RBPJ: variants seen among roughly 807,000 people sequenced by gnomAD.
RBPJ encodes the protein recombination signal binding protein for immunoglobulin kappa J region.
A neutral mutation model predicts 67.8 loss-of-function variants in RBPJ; 9 were observed. The ratio of observed to expected loss-of-function variants is 0.13; its 90% CI spans 0.08 to 0.23. The LOEUF (loss-of-function observed/expected upper bound fraction) is 0.23. Ranked by LOEUF, RBPJ falls within the 10% of genes least tolerant of loss-of-function variation. The pLI is 1.00. For missense variants in RBPJ, 305 were observed against 595.6 expected (o/e 0.51, Z 5.08); for synonymous variants, 198 against 203.3 (o/e 0.97, Z 0.22).
chr4:26,419,605 TTAAAGTGG>T (rs1734927592), intron 4 of RBPJ, among the ~76,000 whole-genome samples: 2 of 152,228 alleles, frequency 1.3e-5, no homozygotes, highest in African/African-American at 4.8e-5. Context: ...TAGCTTAATT[TTAAAGTGG>T]AATGTTGATC....
rs527835615 is a variant in RBPJ, at chr4:26,373,168, T to C, written c.21-13185T>C. 1.2e-4 allele frequency among the ~76,000 whole-genome samples: 18 copies of C among 152,386 alleles called. No homozygotes were observed. The South Asian group carries it at 3.5e-3, about 30-fold the overall frequency. ...TCCTTTTTCATGTAATGGTGTTACA[T>C]AAAATGTTTTGGAAATCTCTTCTCC... is the stretch of plus-strand genomic sequence containing the variant. On this transcript the variant is annotated intron_variant, in intron 1 of 10. Transcript: ENST00000355476.
chr4:26,227,571 G>C lies in RBPJ; in HGVS notation c.-167+63957G>C, dbSNP rs564728717. ...GTTAAATTAAGACCCTCCACAGCCT[G>C]AGTGGAGATGAGTTTTGCAGAGTCT... On this transcript the variant is annotated intron_variant, in intron 1 of 4. Transcript: ENST00000512351. Among the ~76,000 whole-genome samples the C allele has an allele frequency of 3.3e-5, 5 of 152,214 alleles. No individual in the cohort carries two copies. The South Asian group carries it at 1.0e-3, about 31-fold the overall frequency.
At chr4:26,297,632 A>G (rs1485571638) in intron 1 of RBPJ, among the ~76,000 whole-genome samples, 1 of 152,190 alleles carries the variant, frequency 6.6e-6, no homozygotes, top group South Asian at 2.1e-4. Context: ...ACCCTGGTTT[A>G]GTCTATCATT....
intron 2 of RBPJ, among the ~76,000 whole-genome samples, chr4:26,393,170 A>G (rs928065343): frequency 4.6e-5 from 7 of 151,876 alleles, no homozygotes; most frequent in East Asian, 1.9e-4. Flanking sequence ...ATTTCTTTTT[A>G]AATCTCTGAA....
intron 1 of RBPJ, among the ~76,000 whole-genome samples, chr4:26,210,655 C>CTTT (rs1326236826): frequency 2.4e-4 from 26 of 108,598 alleles, no homozygotes; most frequent in Non-Finnish European, 4.3e-4. Flanking sequence ...AGCCAGCTTT[C>CTTT]TTTCTTTTTT....
chr4:26,298,197 A>G (rs1190797040), intron 1 of RBPJ, among the ~76,000 whole-genome samples: 2 of 152,160 alleles, frequency 1.3e-5, no homozygotes, highest in Admixed American at 1.3e-4. Context: ...AAAAAAAAAT[A>G]CCTTCTCTCA....
intron 2 of RBPJ, among the ~76,000 whole-genome samples, chr4:26,397,197 G>A (rs1732205505): frequency 6.6e-6 from 1 of 152,170 alleles, no homozygotes. Context: ...ACGCTTCTTT[G>A]TAAACCGTAA....
intron 1 of RBPJ, among the ~76,000 whole-genome samples, chr4:26,237,774 G>T (rs1365779801): frequency 6.6e-6 from 1 of 152,158 alleles, no homozygotes; most frequent in Admixed American, 6.5e-5. Flanking sequence ...AAATAATAAA[G>T]ATACCTAGCC....
the RBPJ span, among the ~76,000 whole-genome samples, chr4:26,153,720 C>T: frequency 6.6e-6 from 1 of 152,148 alleles, no homozygotes; most frequent in African/African-American, 2.4e-5. Context: ...TACATTTTTA[C>T]CATATTATAA....
At chr4:26,164,433 C>G (rs1397453742) in intron 1 of RBPJ, among the ~76,000 whole-genome samples, 2 of 152,192 alleles carry the variant, frequency 1.3e-5, no homozygotes, top group African/African-American at 4.8e-5. Flanking sequence ...AGCTCTGGCT[C>G]TCAGAGCAGG....
the RBPJ span, among the ~76,000 whole-genome samples, chr4:26,122,795 T>C: frequency 2.0e-5 from 3 of 152,144 alleles, no homozygotes; most frequent in Non-Finnish European, 4.4e-5. Context: ...GTGAACCATA[T>C]GGTCTCTAAT....
chr4:26,384,142 C>T (rs566801302), intron 1 of RBPJ, among the ~76,000 whole-genome samples: 39 of 152,298 alleles, frequency 2.6e-4, no homozygotes, highest in African/African-American at 9.1e-4. Context: ...GCTACCATGC[C>T]TTGCCTTGTT....
At chr4:26,209,095 A>G (rs1231341481) in intron 1 of RBPJ, among the ~76,000 whole-genome samples, 3 of 96,398 alleles carry the variant, frequency 3.1e-5, no homozygotes, top group Non-Finnish European at 4.3e-5. Flanking sequence ...ACAGAAGAAA[A>G]AAAATATATA....
chr4:26,286,213 T>C (rs1721462317), intron 1 of RBPJ, among the ~76,000 whole-genome samples: 1 of 152,092 alleles, frequency 6.6e-6, no homozygotes, highest in East Asian at 1.9e-4. Flanking sequence ...GCATGATGAC[T>C]AGCGCCTGTA....
chr4:26,258,338 A>G (rs1720413342), intron 1 of RBPJ, among the ~76,000 whole-genome samples: 1 of 151,952 alleles, frequency 6.6e-6, no homozygotes, highest in Non-Finnish European at 1.5e-5. Context: ...TGTATTTTCC[A>G]CTATGTATTT....
At chr4:26,215,861 G>A (rs961238064) in intron 1 of RBPJ, among the ~76,000 whole-genome samples, 21 of 151,980 alleles carry the variant, frequency 1.4e-4, no homozygotes, top group African/African-American at 3.9e-4. Flanking sequence ...TTCAGTGCCG[G>A]GCAGCACATT....
intron 1 of RBPJ, among the ~76,000 whole-genome samples, chr4:26,371,989 T>C (rs1028936282): frequency 6.6e-6 from 1 of 152,246 alleles, no homozygotes; most frequent in African/African-American, 2.4e-5. Flanking sequence ...ACCCTCACCT[T>C]GTGGCTTTCC....
chr4:26,368,358 G>A (rs1047402957), intron 1 of RBPJ, among the ~76,000 whole-genome samples: 3 of 152,104 alleles, frequency 2.0e-5, no homozygotes, highest in African/African-American at 7.2e-5. Flanking sequence ...TTTCCATAGC[G>A]TTGTTTTGGC....
chr4:26,385,101 A>T (rs1013803029), intron 1 of RBPJ, among the ~76,000 whole-genome samples: 1 of 147,554 alleles, frequency 6.8e-6, no homozygotes, highest in Non-Finnish European at 1.5e-5. Flanking sequence ...GCTCACTGCA[A>T]CCACTGCCTC....
Sources: allele counts gnomAD v4.1 joint callset (sites outside exome capture counted in the v4.1 genomes callset), GRCh38; gene constraint gnomAD v4.1.1; transcripts MANE v1.5; gene names NCBI Gene and HGNC (gene_info 2026-07-23, HGNC 2026-07-21).